PURB: variants seen among roughly 807,000 people sequenced by gnomAD.
PURB encodes the protein purine rich element binding protein B, also known as transcriptional regulator protein Pur-beta.
PURB carries 11 observed loss-of-function variants against 21.1 expected under a neutral mutation model. The observed-to-expected ratio is 0.52, with a 90% CI of 0.33 to 0.86. The LOEUF (loss-of-function observed/expected upper bound fraction) is 0.86. PURB is among the 40% of genes least tolerant of loss of function. The probability of loss-of-function intolerance (pLI) is 0.02; values close to 1 mark genes in which losing one functional copy is unlikely to be tolerated. For synonymous variants in PURB, 246 were observed against 210.8 expected, an observed-to-expected ratio of 1.17 and a Z score of -1.45; for missense variants, 357 against 456.5, an observed-to-expected ratio of 0.78 and a Z score of 1.99.
In PURB at chr7:44,878,844, G is replaced by C. The variant is rs767450176; in HGVS notation, c.*5566C>G. ...TTAAATCCGTCAGTAATAAAACTGAGTTTTAAGACTGAGGGCTGGGAAAGG... is the reference window on the plus strand; with the variant it reads ...TTAAATCCGTCAGTAATAAAACTGACTTTTAAGACTGAGGGCTGGGAAAGG... On this transcript the variant is annotated 3_prime_UTR_variant, in exon 1 of 1. Coordinates refer to ENST00000395699, the MANE Select transcript of PURB (RefSeq NM_033224.5). The C allele has an allele frequency of 6.6e-6, 1 of 152,342 alleles. No individual in the cohort carries two copies. The highest frequency in any genetic ancestry group is 1.5e-5 in the Non-Finnish European group (1 of 68,036). The allele number at this position is 152,342 out of a possible 1,614,324, so 9.4% of individuals were successfully genotyped here.
In PURB at chr7:44,878,557, A is replaced by G. The variant is rs1793832304; in HGVS notation, c.*5853T>C. The G allele has an allele frequency of 6.6e-6, 1 of 152,604 alleles. No homozygotes were observed. The highest frequency in any genetic ancestry group is 1.9e-4 in the East Asian group (1 of 5,200). The allele number at this position is 152,604 out of a possible 1,614,324, so 9.5% of individuals were successfully genotyped here. On this transcript the variant is annotated 3_prime_UTR_variant, in exon 1 of 1. Transcript: ENST00000395699. ...TTTTAACATGACTCTACCTATCCCA[A>G]TTGGAATGTCTAATTCAAGAGACAT... is the stretch of plus-strand genomic sequence containing the variant.
In PURB at chr7:44,885,115, C is replaced by A; in HGVS notation, c.234G>T (p.Ala78=). Residue 78 remains alanine, a synonymous_variant, in exon 1 of 1, where the codon GCG becomes GCT. Coordinates refer to ENST00000395699, the MANE Select transcript of PURB (RefSeq NM_033224.5). ...GSKSRLTLSM[A]VAAEFRDSLG... ...GCGAGTCGCGGAACTCGGCGGCCAC[C>A]GCCATGGACAGCGTGAGGCGGCTCT... 2 of 1,570,186 alleles carry A rather than the reference C, an allele frequency of 1.3e-6. No homozygotes were observed. Among genetic ancestry groups the A allele is most frequent in the Middle Eastern group, 3.4e-4 (2 of 5,898 alleles).
Position 44,881,661 on chromosome 7 carries a change from T to G in PURB, c.*2749A>C, listed in dbSNP as rs542193223. 6.5e-6 allele frequency: 1 copy of G among 153,032 alleles called. No homozygotes were observed. The highest frequency in any genetic ancestry group is 2.1e-4 in the South Asian group (1 of 4,838). 9.5% of individuals were successfully genotyped at this position (153,032 alleles called of 1,614,324 possible). On this transcript the variant is annotated 3_prime_UTR_variant, in exon 1 of 1. Coordinates refer to ENST00000395699, the MANE Select transcript of PURB (RefSeq NM_033224.5). ...TCCTTTTTTTGGAGGATTTTCAAAT[T>G]GATATCTAAAGATTTACATATGATA...
rs1368977503 is a variant in PURB at position 44,878,173 on chromosome 7, GTTAT to G, written c.*6233_*6236del. ...TTTGGAAAAAGTTAGCTATTGAAGT[GTTAT>G]TTAAGGTAAGGGGGAAAAAAGGACA... is the stretch of plus-strand genomic sequence containing the variant. On this transcript the variant is annotated 3_prime_UTR_variant, in exon 1 of 1. Coordinates refer to ENST00000395699, the MANE Select transcript of PURB (RefSeq NM_033224.5). 6.6e-6 allele frequency: 1 copy of G among 152,140 alleles called. No homozygotes were observed. The highest frequency in any genetic ancestry group is 1.5e-5 in the Non-Finnish European group (1 of 68,022). 9.4% of individuals were successfully genotyped at this position (152,140 alleles called of 1,614,324 possible). A position where few individuals can be genotyped will look rare whatever the true frequency, so the allele number is the denominator to read the frequency against.
rs1181174942 is a variant in PURB at position 44,884,085 on chromosome 7, A to T, written c.*325T>A. On this transcript the variant is annotated 3_prime_UTR_variant, in exon 1 of 1. Coordinates refer to ENST00000395699, the MANE Select transcript of PURB (RefSeq NM_033224.5). ...TGTTTCTTGCCCTGGATGTGCAAGG[A>T]TCTATTCCCTCCAGGGATTATCCTG... 2 of 414,824 alleles carry T rather than the reference A, an allele frequency of 4.8e-6. No homozygotes were observed. The highest frequency in any genetic ancestry group is 8.7e-6 in the Non-Finnish European group (2 of 231,106). The allele number at this position is 414,824 out of a possible 1,614,324, so 25.7% of individuals were successfully genotyped here. A position where few individuals can be genotyped will look rare whatever the true frequency, so the allele number is the denominator to read the frequency against.
Position 44,884,709 on chromosome 7 carries a change from C to T in PURB, c.640G>A (p.Gly214Ser), listed in dbSNP as rs774572017. The T allele has an allele frequency of 6.2e-7, 1 of 1,613,630 alleles. No individual in the cohort carries two copies. Among genetic ancestry groups the T allele is most frequent in the African/African-American group, 1.3e-5 (1 of 75,062 alleles). Residue 214 changes from glycine to serine, a missense_variant, in exon 1 of 1, where the codon GGC becomes AGC. Gly to Ser is a moderately conservative substitution (Grantham distance 56). Transcript: ENST00000395699. ...CCCTCCGGGAGCTCTCCATACAGGC[C>T]GCCCCCTGGGCCCCCGGCGCCGCCT... The part of the protein sequence containing the change: ...PGGGAGGPGG[G>S]LYGELPEGTS...
Position 44,884,484 on chromosome 7 carries a change from T to A in PURB, c.865A>T (p.Lys289Ter), listed in dbSNP as rs1793925823. Reference protein sequence around the residue: ...MKEIQERQRDKLYERRGGGSG... With the variant: ...MKEIQERQRD ...CCCCCACCACGTCGCTCATAAAGCT[T>A]ATCCCTCTGTCGTTCCTGGATTTCT... The change falls in exon 1 of 1, where the codon AAG (lysine) becomes TAG (stop). Residue 289 changes from lysine (K) to a stop codon, truncating the protein, a stop_gained. Transcript: ENST00000395699. LOFTEE classifies it high-confidence loss of function. 1 of 1,613,764 alleles carries A rather than the reference T, an allele frequency of 6.2e-7. No individual in the cohort carries two copies. Among genetic ancestry groups the A allele is most frequent in the Admixed American group, 1.7e-5 (1 of 59,986 alleles).
chr7:44,876,976 TAC>T lies in PURB; in HGVS notation c.*7432_*7433del, dbSNP rs1300482433. On this transcript the variant is annotated 3_prime_UTR_variant, in exon 1 of 1. Coordinates refer to ENST00000395699, the MANE Select transcript of PURB (RefSeq NM_033224.5). ...TACAATGCATAAGCATGTGGGTATT[TAC>T]ACAGAGATTGAAGACATCCCCAAAA... The T allele has an allele frequency of 2.6e-5, 4 of 152,642 alleles. No homozygotes were observed. The highest frequency in any genetic ancestry group is 5.9e-5 in the Non-Finnish European group (4 of 68,046). 9.5% of individuals were successfully genotyped at this position (152,642 alleles called of 1,614,324 possible).
Position 44,884,152 on chromosome 7 carries a change from A to G in PURB, c.*258T>C, listed in dbSNP as rs1387571893. On this transcript the variant is annotated 3_prime_UTR_variant, in exon 1 of 1. Coordinates refer to ENST00000395699, the MANE Select transcript of PURB (RefSeq NM_033224.5). ...CAGTTGAGAAACAACAGAAGCTGAG[A>G]CAATTTTACGCAGGTGAGGAGATGC... is the stretch of plus-strand genomic sequence containing the variant. 1 of 758,902 alleles carries G rather than the reference A, an allele frequency of 1.3e-6. No individual in the cohort carries two copies. Among genetic ancestry groups the G allele is most frequent in the Non-Finnish European group, 2.0e-6 (1 of 499,930 alleles). 47.0% of individuals were successfully genotyped at this position (758,902 alleles called of 1,614,324 possible). A position where few individuals can be genotyped will look rare whatever the true frequency, so the allele number is the denominator to read the frequency against.
Position 44,885,349 on chromosome 7 carries a change from C to A in PURB, c.-1G>T, listed in dbSNP as rs938445674. The A allele has an allele frequency of 8.4e-7, 1 of 1,193,540 alleles. No homozygotes were observed. The highest frequency in any genetic ancestry group is 1.0e-6 in the Non-Finnish European group (1 of 957,620). 73.9% of individuals were successfully genotyped at this position (1,193,540 alleles called of 1,614,324 possible). A position where few individuals can be genotyped will look rare whatever the true frequency, so the allele number is the denominator to read the frequency against. On this transcript the variant is annotated 5_prime_UTR_variant, in exon 1 of 1. Transcript: ENST00000395699. ...CGCTGCCGCTGTCGCCGTCCGCCAT[C>A]TTCTAGGCCGCCGCCTCGCCGCCAC...
Position 44,880,411 on chromosome 7 carries a change from A to T in PURB, c.*3999T>A, listed in dbSNP as rs911670135. 2.6e-5 allele frequency: 4 copies of T among 152,674 alleles called. No homozygotes were observed. The highest frequency in any genetic ancestry group is 5.9e-5 in the Non-Finnish European group (4 of 68,044). The allele number at this position is 152,674 out of a possible 1,614,324, so 9.5% of individuals were successfully genotyped here. ...AATGAAAACAAAATTTACAGTGAAG[A>T]ATACTTATGTGCATGGCTTACACAC... On this transcript the variant is annotated 3_prime_UTR_variant, in exon 1 of 1. Coordinates refer to ENST00000395699, the MANE Select transcript of PURB (RefSeq NM_033224.5).
chr7:44,877,217 T>C lies in PURB; in HGVS notation c.*7193A>G, dbSNP rs1481178632. ...GTGAAGATTCCTATAGAACGGAAAG[T>C]ATGTTATCTGGAAACAGAAGACAAA... On this transcript the variant is annotated 3_prime_UTR_variant, in exon 1 of 1. Transcript: ENST00000395699. 6.6e-6 allele frequency: 1 copy of C among 152,480 alleles called. No homozygotes were observed. Among genetic ancestry groups the C allele is most frequent in the Non-Finnish European group, 1.5e-5 (1 of 68,034 alleles). The allele number at this position is 152,480 out of a possible 1,614,324, so 9.4% of individuals were successfully genotyped here.
Position 44,877,376 on chromosome 7 carries a change from G to GT in PURB, c.*7033dup, listed in dbSNP as rs563969107. 6.2e-4 allele frequency: 94 copies of GT among 152,282 alleles called. No homozygotes were observed. Among genetic ancestry groups the GT allele is most frequent in the African/African-American group, 2.1e-3 (88 of 41,556 alleles). The allele number at this position is 152,282 out of a possible 1,614,324, so 9.4% of individuals were successfully genotyped here. A position where few individuals can be genotyped will look rare whatever the true frequency, so the allele number is the denominator to read the frequency against. The stretch of plus-strand genomic sequence containing the variant: ...GATCTTAGTTACTATTCAAATATTG[G>GT]TAAGTCATTGAAAAATAACTCAGAT... On this transcript the variant is annotated 3_prime_UTR_variant, in exon 1 of 1. Transcript: ENST00000395699.
At position 44,879,049 on chromosome 7, in the gene PURB, T is replaced by C. The variant is rs1004631043; in HGVS notation, c.*5361A>G. 6.6e-6 allele frequency: 1 copy of C among 152,186 alleles called. No individual in the cohort carries two copies. The highest frequency in any genetic ancestry group is 2.4e-5 in the African/African-American group (1 of 41,454). 9.4% of individuals were successfully genotyped at this position (152,186 alleles called of 1,614,324 possible). ...CCACCTTACATTTGGAATTTATTTA[T>C]TTATTTTTTGAGACGGAGTCTTGTT... On this transcript the variant is annotated 3_prime_UTR_variant, in exon 1 of 1. Coordinates refer to ENST00000395699, the MANE Select transcript of PURB (RefSeq NM_033224.5).
rs1793903721 is a variant in PURB at position 44,883,157 on chromosome 7, T to C, written c.*1253A>G. The C allele has an allele frequency of 6.6e-6, 1 of 152,606 alleles. No individual in the cohort carries two copies. The highest frequency in any genetic ancestry group is 2.4e-5 in the African/African-American group (1 of 41,452). The allele number at this position is 152,606 out of a possible 1,614,324, so 9.5% of individuals were successfully genotyped here. On this transcript the variant is annotated 3_prime_UTR_variant, in exon 1 of 1. Transcript: ENST00000395699. ...CTCTGATTGTGAGGTACTGATACAA[T>C]GGATCAAGTTCTTAAAAATTTTAAA...
rs1205095363 is a variant in PURB, at chr7:44,878,323, G to A, written c.*6087C>T. The A allele has an allele frequency of 1.3e-5, 2 of 152,174 alleles. No homozygotes were observed. Among genetic ancestry groups the A allele is most frequent in the African/African-American group, 4.8e-5 (2 of 41,438 alleles). The allele number at this position is 152,174 out of a possible 1,614,324, so 9.4% of individuals were successfully genotyped here. On this transcript the variant is annotated 3_prime_UTR_variant, in exon 1 of 1. Transcript: ENST00000395699. ...AGACATAATTAGTTTTCTTACCCATGTCAATGGATATTAGATATAACACAA... is the reference window on the plus strand; with the variant it reads ...AGACATAATTAGTTTTCTTACCCATATCAATGGATATTAGATATAACACAA...
chr7:44,884,247 G>T lies in PURB; in HGVS notation c.*163C>A. 1 of 1,409,528 alleles carries T rather than the reference G, an allele frequency of 7.1e-7. No individual in the cohort carries two copies. Among genetic ancestry groups the T allele is most frequent in the Non-Finnish European group, 9.3e-7 (1 of 1,074,858 alleles). 87.3% of individuals were successfully genotyped at this position (1,409,528 alleles called of 1,614,324 possible). A position where few individuals can be genotyped will look rare whatever the true frequency, so the allele number is the denominator to read the frequency against. On this transcript the variant is annotated 3_prime_UTR_variant, in exon 1 of 1. Transcript: ENST00000395699. The stretch of plus-strand genomic sequence containing the variant: ...TGCTTTTCTCAAGTTGTCCGTCACT[G>T]TTCTCTTACGATTATTTCTCTTAAC...
Position 44,878,523 on chromosome 7 carries a change from A to G in PURB, c.*5887T>C, listed in dbSNP as rs540221610. On this transcript the variant is annotated 3_prime_UTR_variant, in exon 1 of 1. Coordinates refer to ENST00000395699, the MANE Select transcript of PURB (RefSeq NM_033224.5). Reference sequence around the variant, plus strand: ...TGAAACTACCAATATGGCAGTTGCTATTCTATTGTTTTAACATGACTCTAC... The same window carrying G: ...TGAAACTACCAATATGGCAGTTGCTGTTCTATTGTTTTAACATGACTCTAC... 4 of 152,666 alleles carry G rather than the reference A, an allele frequency of 2.6e-5. No homozygotes were observed. The highest frequency in any genetic ancestry group is 9.6e-5 in the African/African-American group (4 of 41,574). The allele number at this position is 152,666 out of a possible 1,614,324, so 9.5% of individuals were successfully genotyped here. A position where few individuals can be genotyped will look rare whatever the true frequency, so the allele number is the denominator to read the frequency against.
At position 44,878,140 on chromosome 7, in the gene PURB, ATGG is replaced by A. The variant is rs1793826522; in HGVS notation, c.*6267_*6269del. On this transcript the variant is annotated 3_prime_UTR_variant, in exon 1 of 1. Coordinates refer to ENST00000395699, the MANE Select transcript of PURB (RefSeq NM_033224.5). ...CTTTAAGAAATAAGAGATGGCCTAA[ATGG>A]ATATTTTGGAAAAAGTTAGCTATTG... The A allele has an allele frequency of 1.3e-5, 2 of 152,184 alleles. No individual in the cohort carries two copies. Among genetic ancestry groups the A allele is most frequent in the African/African-American group, 4.8e-5 (2 of 41,446 alleles). 9.4% of individuals were successfully genotyped at this position (152,184 alleles called of 1,614,324 possible).
Sources: gnomAD v4.1 joint callset for allele counts on GRCh38, gnomAD v4.1.1 for gene constraint, MANE v1.5 for transcripts, NCBI Gene and HGNC (gene_info 2026-07-23, HGNC 2026-07-21) for gene names.